The following CTSK variants were observed in gnomAD, a reference collection of about 807,000 sequenced individuals.
CTSK encodes cathepsin O.
In CTSK, 26 loss-of-function variants were observed where a neutral mutation model predicts 40.5. The observed-to-expected ratio is 0.64, with a 90% CI of 0.47 to 0.89. CTSK has a LOEUF of 0.89. CTSK is among the 40% of genes least tolerant of loss of function. The probability of loss-of-function intolerance (pLI) is 0.00; values close to 1 mark genes in which losing one functional copy is unlikely to be tolerated. For synonymous variants in CTSK, 132 were observed against 143.2 expected, an observed-to-expected ratio of 0.92 and a Z score of 0.56; for missense variants, 292 against 400.1, an observed-to-expected ratio of 0.73 and a Z score of 2.30.
chr1:150,798,272 T>C (rs1653912916), intron 7 of CTSK, among the ~76,000 whole-genome samples: 1 of 152,204 alleles, frequency 6.6e-6, no homozygotes, highest in African/African-American at 2.4e-5. Flanking sequence ...TATATACGTG[T>C]ATCTTAAGTG....
At chr1:150,801,836 G>A (rs1045204023) in intron 5 of CTSK, among the ~76,000 whole-genome samples, 1 of 151,826 alleles carries the variant, frequency 6.6e-6, no homozygotes, top group Non-Finnish European at 1.5e-5. Context: ...ACCGCGCCAG[G>A]CCTATTAAAA....
intron 5 of CTSK, among the ~76,000 whole-genome samples, chr1:150,803,065 T>A (rs1288042723): frequency 1.3e-5 from 2 of 152,186 alleles, no homozygotes; most frequent in Admixed American, 1.3e-4. Flanking sequence ...AATTTGACAT[T>A]GTGTAGTAAA....
At chr1:150,799,476 G>A in intron 6 of CTSK, 68 bp downstream of exon 6, 1 of 1,580,424 alleles carries the variant, frequency 6.3e-7, no homozygotes, top group South Asian at 1.1e-5. Context: ...AAATACCCAA[G>A]GTCCTTCGAG....
In CTSK at chr1:150,805,228, TG is replaced by T. The variant is rs1210946584; in HGVS notation, c.399+632del. Among the ~76,000 whole-genome samples, 571 of 116,176 alleles carry T rather than the reference TG, an allele frequency of 4.9e-3. 1 individual carries two copies. Among genetic ancestry groups the T allele is most frequent in the Middle Eastern group, 0.029 (6 of 206 alleles). The allele number at this position is 116,176 out of a possible 152,430, so 76.2% of individuals were successfully genotyped here. A position where few individuals can be genotyped will look rare whatever the true frequency, so the allele number is the denominator to read the frequency against. ...CTGTCTCAAAAAAAAAAAAAAAATT[TG>T]GGGGGGGGGAAAGGATTATTTGTGA... On this transcript the variant is annotated intron_variant, in intron 4 of 7. Coordinates refer to ENST00000271651, the MANE Select transcript of CTSK (RefSeq NM_000396.4).
Position 150,804,192 on chromosome 1 carries a change from C to T in CTSK, c.447G>A (p.Glu149=), listed in dbSNP as rs1305900647. ...CWAFSSVGAL[E]GQLKKKTGKL... ...TGCCAGTTTTCTTCTTGAGTTGGCC[C>T]TCCAGGGCACCCACAGAGCTAAAAG... Residue 149 remains glutamate (E), a synonymous_variant, in exon 5 of 8, where the codon GAG becomes GAA. Transcript: ENST00000271651. The T allele has an allele frequency of 6.2e-7, 1 of 1,614,210 alleles. No individual in the cohort carries two copies. The highest frequency in any genetic ancestry group is 1.3e-5 in the African/African-American group (1 of 75,044).
chr1:150,799,026 C>A, intron 7 of CTSK, 142 bp downstream of exon 7: 1 of 682,838 alleles, frequency 1.5e-6, no homozygotes, highest in South Asian at 1.6e-5. Flanking sequence ...GAATTAAGAG[C>A]CTCTGACTGA....
chr1:150,806,727 C>G lies in CTSK; in HGVS notation c.79G>C (p.Glu27Gln), dbSNP rs746596138. ...YPEEILDTHW[E>Q]LWKKTHRKQY... is the part of the protein sequence containing the mutation. The stretch of plus-strand genomic sequence containing the variant: ...TTCCTGTGGGTCTTCTTCCATAGCT[C>G]CCAGTGGGTGTCCAGTATCTCCTCA... Residue 27 changes from glutamate (E) to glutamine (Q), a missense_variant, in exon 2 of 8, where the codon GAG becomes CAG. Coordinates refer to ENST00000271651, the MANE Select transcript of CTSK (RefSeq NM_000396.4). 6.2e-7 allele frequency: 1 copy of G among 1,614,116 alleles called. No homozygotes were observed. The highest frequency in any genetic ancestry group is 1.7e-5 in the Admixed American group (1 of 60,008).
chr1:150,802,069 G>A (rs1654001570), intron 5 of CTSK, among the ~76,000 whole-genome samples: 2 of 149,544 alleles, frequency 1.3e-5, no homozygotes, highest in South Asian at 4.3e-4. Flanking sequence ...CCTGAGGTCA[G>A]GGGTTCAAGA....
rs1374689094 is a variant in CTSK, at chr1:150,806,818, T to C, written c.-1-12A>G. ...TGAGCCCCCACATCCTGCAGAAGAA[T>C]GTAGTTAGGGAAAACTCTTCCATTT... On this transcript the variant is annotated splice_polypyrimidine_tract_variant and intron_variant, in intron 1 of 7. Coordinates refer to ENST00000271651, the MANE Select transcript of CTSK (RefSeq NM_000396.4). The C allele has an allele frequency of 1.2e-6, 2 of 1,613,098 alleles. No individual in the cohort carries two copies. The highest frequency in any genetic ancestry group is 1.7e-6 in the Non-Finnish European group (2 of 1,179,972).
In CTSK at chr1:150,806,823, T is replaced by A. The variant is rs1412640175; in HGVS notation, c.-1-17A>T. ...CCCCACATCCTGCAGAAGAATGTAG[T>A]TAGGGAAAACTCTTCCATTTGGCAG... On this transcript the variant is annotated splice_polypyrimidine_tract_variant and intron_variant, in intron 1 of 7. Coordinates refer to ENST00000271651, the MANE Select transcript of CTSK (RefSeq NM_000396.4). 4 of 1,612,896 alleles carry A rather than the reference T, an allele frequency of 2.5e-6. No individual in the cohort carries two copies. In the Admixed American group the frequency reaches 6.7e-5, roughly 27 times the overall value.
In CTSK at chr1:150,799,244, C is replaced by T. The variant is rs201772791; in HGVS notation, c.814G>A (p.Asp272Asn). Residue 272 changes from aspartate (D) to asparagine (N), a missense_variant, in exon 7 of 8, where the codon GAT (aspartate) becomes AAT (asparagine). By Grantham distance (23) the Asp-to-Asn change is conservative. Transcript: ENST00000271651. ...GVYYDESCNS[D>N]NLNHAVLAVG... ...GCCAAAACTGCATGGTTCAGATTAT[C>T]GCTATTGCAGCTTTCATCATAATAC... 56 of 1,612,948 alleles carry T rather than the reference C, an allele frequency of 3.5e-5. No homozygotes were observed. The highest frequency in any genetic ancestry group is 6.7e-5 in the African/African-American group (5 of 74,888).
At chr1:150,799,408 C>G (rs1305673264) in intron 6 of CTSK, 135 bp from the exon 7 acceptor site, 2 of 1,217,254 alleles carry the variant, frequency 1.6e-6, no homozygotes, top group Non-Finnish European at 2.4e-6. Flanking sequence ...CTCCATACTG[C>G]AGCAGTTGTT....
intron 4 of CTSK, 141 bp downstream of exon 4, chr1:150,805,720 A>G: frequency 1.2e-6 from 1 of 820,356 alleles, no homozygotes; most frequent in Non-Finnish European, 2.1e-6. Flanking sequence ...AATGAGGTTA[A>G]ATAACAGAAT....
At chr1:150,802,235 G>A (rs866264998) in intron 5 of CTSK, among the ~76,000 whole-genome samples, 4 of 144,182 alleles carry the variant, frequency 2.8e-5, no homozygotes, top group South Asian at 2.2e-4. Context: ...CCAAGATCGC[G>A]CCACTGCACT....
In CTSK at chr1:150,799,265, A is replaced by C; in HGVS notation, c.793T>G (p.Tyr265Asp). The change falls in exon 7 of 8, where the codon TAT becomes GAT. Residue 265 changes from tyrosine to aspartate, a missense_variant. Coordinates refer to ENST00000271651, the MANE Select transcript of CTSK (RefSeq NM_000396.4). Reference protein sequence around the residue: ...SFQFYSKGVYYDESCNSDNLN... With the variant: ...SFQFYSKGVYDDESCNSDNLN... ...TTATCGCTATTGCAGCTTTCATCAT[A>C]ATACACACCTAGAATACAAACTACC... is the stretch of plus-strand genomic sequence containing the variant. 1.2e-6 allele frequency: 2 copies of C among 1,608,856 alleles called. No individual in the cohort carries two copies. The highest frequency in any genetic ancestry group is 3.3e-4 in the Middle Eastern group (2 of 6,056).
In CTSK at chr1:150,796,886, GT is replaced by G; in HGVS notation, c.902del (p.Asn301ThrfsTer66). ...HWIIKNSWGE[N>X]WGNKGYILMA... is the part of the protein sequence containing the mutation. ...TGAGGATATATCCTTTGTTTCCCCAGTTTTCTCCCCAGCTGTAAGACCAATC... is the reference window on the plus strand; with the variant it reads ...TGAGGATATATCCTTTGTTTCCCCAGTTTCTCCCCAGCTGTAAGACCAATC... On this transcript the variant is annotated frameshift_variant, in exon 8 of 8. Transcript: ENST00000271651. LOFTEE classifies it high-confidence loss of function. 1 of 1,613,404 alleles carries G rather than the reference GT, an allele frequency of 6.2e-7. No individual in the cohort carries two copies. Among genetic ancestry groups the G allele is most frequent in the East Asian group, 2.2e-5 (1 of 44,886 alleles).
intron 1 of CTSK, chr1:150,807,161 A>G (rs1484587142): frequency 2.3e-6 from 1 of 444,146 alleles, no homozygotes; most frequent in Admixed American, 2.6e-5. Context: ...AAACTGGACA[A>G]TCAGAATGGG....
At chr1:150,804,850 T>TA (rs1456413822) in intron 4 of CTSK, among the ~76,000 whole-genome samples, 1 of 152,210 alleles carries the variant, frequency 6.6e-6, no homozygotes, top group Admixed American at 6.5e-5. Context: ...ATCTTGCTGA[T>TA]ACAATCCTGT....
At chr1:150,800,151 C>T (rs1056682446) in intron 5 of CTSK, among the ~76,000 whole-genome samples, 7 of 126,000 alleles carry the variant, frequency 5.6e-5, no homozygotes, top group East Asian at 5.2e-4. Context: ...GAGCCAAGAT[C>T]GCGCCATTGC....
Sources: gnomAD v4.1 joint callset for allele counts (sites outside exome capture counted in the v4.1 genomes callset) on GRCh38, gnomAD v4.1.1 for gene constraint, MANE v1.5 for transcripts, NCBI Gene and HGNC (gene_info 2026-07-23, HGNC 2026-07-21) for gene names.